The following SPOCK3 variants were observed in gnomAD, a reference collection of about 807,000 sequenced individuals.
SPOCK3 encodes testican-3.
SPOCK3 carries 30 observed loss-of-function variants against 56.6 expected under a neutral mutation model. The ratio of observed to expected loss-of-function variants is 0.53; its 90% CI spans 0.40 to 0.72. The LOEUF (loss-of-function observed/expected upper bound fraction) is 0.72. Ranked by LOEUF, SPOCK3 falls within the 30% of genes least tolerant of loss-of-function variation. The pLI is 0.00. For synonymous variants in SPOCK3, 196 were observed against 183.3 expected (o/e 1.07, Z -0.56); for missense variants, 527 against 530.0 (o/e 0.99, Z 0.06).
At chr4:167,198,487 A>C (rs1733185993) in intron 2 of SPOCK3, among the ~76,000 whole-genome samples, 1 of 152,200 alleles carries the variant, frequency 6.6e-6, no homozygotes, top group Non-Finnish European at 1.5e-5. Flanking sequence ...ACATACATCT[A>C]AAATGACCAA....
chr4:166,841,937 C>T (rs1747410763), intron 6 of SPOCK3, among the ~76,000 whole-genome samples: 1 of 152,164 alleles, frequency 6.6e-6, no homozygotes, highest in Non-Finnish European at 1.5e-5. Flanking sequence ...TAGTTTGTTC[C>T]TTCTGATGTT....
At chr4:166,970,218 T>C (rs868766751) in intron 4 of SPOCK3, among the ~76,000 whole-genome samples, 2 of 152,334 alleles carry the variant, frequency 1.3e-5, no homozygotes, top group Middle Eastern at 3.4e-3. Flanking sequence ...TCCATCTACA[T>C]GTAAACATTT....
chr4:167,159,615 G>A (rs1236708413), intron 2 of SPOCK3, among the ~76,000 whole-genome samples: 2 of 152,080 alleles, frequency 1.3e-5, no homozygotes, highest in Non-Finnish European at 2.9e-5. Context: ...CAATATCCCT[G>A]ATGAACATTG....
At chr4:166,993,930 A>C (rs1327805176) in intron 4 of SPOCK3, among the ~76,000 whole-genome samples, 1 of 152,218 alleles carries the variant, frequency 6.6e-6, no homozygotes, top group African/African-American at 2.4e-5. Context: ...TACATAGTAT[A>C]ATTATCAACT....
intron 2 of SPOCK3, among the ~76,000 whole-genome samples, chr4:167,107,337 G>A (rs1760253467): frequency 6.6e-6 from 1 of 151,786 alleles, no homozygotes; most frequent in African/African-American, 2.4e-5. Flanking sequence ...GTGATACAAA[G>A]GTGGCTCAAC....
chr4:167,041,988 T>C (rs1753270773), intron 3 of SPOCK3, among the ~76,000 whole-genome samples: 1 of 152,220 alleles, frequency 6.6e-6, no homozygotes, highest in Non-Finnish European at 1.5e-5. Context: ...TTAAACAATT[T>C]CATGTTTAGA....
chr4:166,961,798 C>T (rs890404071), intron 4 of SPOCK3, among the ~76,000 whole-genome samples: 1 of 152,020 alleles, frequency 6.6e-6, no homozygotes, highest in African/African-American at 2.4e-5. Flanking sequence ...AACTAATAAG[C>T]CCTGGAGGAA....
chr4:166,854,302 T>C (rs1367642571), intron 6 of SPOCK3, among the ~76,000 whole-genome samples: 1 of 152,192 alleles, frequency 6.6e-6, no homozygotes, highest in African/African-American at 2.4e-5. Context: ...AACATGGTAA[T>C]CTGTACACAA....
chr4:167,081,127 C>T (rs1425391670), intron 2 of SPOCK3, among the ~76,000 whole-genome samples: 3 of 151,904 alleles, frequency 2.0e-5, no homozygotes, highest in Non-Finnish European at 2.9e-5. Context: ...GCTTTTGAGG[C>T]AGCATGGCAT....
chr4:166,774,923 T>C (rs950819853), intron 7 of SPOCK3, among the ~76,000 whole-genome samples: 12 of 152,220 alleles, frequency 7.9e-5, no homozygotes, highest in Non-Finnish European at 1.5e-4. Context: ...ACAGTTTAAG[T>C]GCAACTTGCT....
At chr4:166,945,096 T>C (rs1230881652) in intron 4 of SPOCK3, among the ~76,000 whole-genome samples, 1 of 152,170 alleles carries the variant, frequency 6.6e-6, no homozygotes, top group Non-Finnish European at 1.5e-5. Context: ...CAATAAGATG[T>C]TATTGGCTCA....
chr4:167,225,018 C>T (rs1736450001), intron 2 of SPOCK3, among the ~76,000 whole-genome samples: 1 of 152,130 alleles, frequency 6.6e-6, no homozygotes, highest in Admixed American at 6.5e-5. Context: ...AATAACTATT[C>T]TAATCAAACA....
intron 6 of SPOCK3, among the ~76,000 whole-genome samples, chr4:166,842,046 G>A (rs1234934895): frequency 6.6e-6 from 1 of 152,158 alleles, no homozygotes; most frequent in Non-Finnish European, 1.5e-5. Context: ...AGGCTCTTAA[G>A]GCGTTGCGTC....
intron 2 of SPOCK3, among the ~76,000 whole-genome samples, chr4:167,089,843 A>T (rs1758546979): frequency 6.6e-6 from 1 of 152,076 alleles, no homozygotes; most frequent in African/African-American, 2.4e-5. Context: ...TTCTTCCCCC[A>T]GTGATTTGTC....
intron 4 of SPOCK3, among the ~76,000 whole-genome samples, chr4:166,978,594 T>C (rs1348942267): frequency 1.3e-5 from 2 of 151,944 alleles, no homozygotes; most frequent in Non-Finnish European, 2.9e-5. Flanking sequence ...GAGCTTGGAG[T>C]GATGTACTTT....
chr4:166,824,669 T>C lies in SPOCK3; in HGVS notation c.590-32380A>G, dbSNP rs150838572. ...TGATTCCTGAACTAGCAGGGGCCAG[T>C]ATTTTGTTACATGTTAGCTTGAGAA... On this transcript the variant is annotated intron_variant, in intron 6 of 10. Coordinates refer to ENST00000357545, the MANE Select transcript of SPOCK3 (RefSeq NM_001040159.2). Among the ~76,000 whole-genome samples the C allele has an allele frequency of 3.6e-3, 555 of 152,202 alleles. 4 individuals are homozygous for C. The highest frequency in any genetic ancestry group is 0.012 in the African/African-American group (517 of 41,562).
intron 2 of SPOCK3, among the ~76,000 whole-genome samples, chr4:167,213,115 T>C (rs947916758): frequency 5.3e-5 from 8 of 152,254 alleles, no homozygotes; most frequent in Non-Finnish European, 8.8e-5. Context: ...CGTTTAAGTT[T>C]AGCATAGATG....
At chr4:167,211,255 G>T (rs1454582885) in intron 2 of SPOCK3, among the ~76,000 whole-genome samples, 1 of 152,138 alleles carries the variant, frequency 6.6e-6, no homozygotes, top group Non-Finnish European at 1.5e-5. Flanking sequence ...TACCCCTGTT[G>T]TATCTAGGAA....
chr4:166,825,023 G>A (rs1017436124), intron 6 of SPOCK3, among the ~76,000 whole-genome samples: 4 of 152,018 alleles, frequency 2.6e-5, no homozygotes, highest in Non-Finnish European at 5.9e-5. Context: ...TAATAATTTG[G>A]CCTTGAAATA....
Sources: allele counts gnomAD v4.1 joint callset (sites outside exome capture counted in the v4.1 genomes callset), GRCh38; gene constraint gnomAD v4.1.1; transcripts MANE v1.5; gene names NCBI Gene and HGNC (gene_info 2026-07-23, HGNC 2026-07-21).